The following PDE7B variants were observed in gnomAD, a reference collection of about 807,000 sequenced individuals.
PDE7B encodes the protein phosphodiesterase 7B.
Under a neutral mutation model 56.2 loss-of-function variants are expected in PDE7B, and 29 were observed. That is an observed-to-expected ratio of 0.52 (90% CI 0.38 to 0.70). PDE7B has a LOEUF of 0.70. PDE7B is among the 30% of genes least tolerant of loss of function. The pLI, the probability that PDE7B is intolerant of heterozygous loss-of-function variation, is 0.00. For synonymous variants in PDE7B, 197 were observed against 196.9 expected (o/e 1.00, Z 0.00); for missense variants, 490 against 565.0 (o/e 0.87, Z 1.35).
intron 3 of PDE7B, among the ~76,000 whole-genome samples, chr6:136,135,569 TTC>T (rs1263230146): frequency 6.6e-6 from 1 of 152,084 alleles, no homozygotes; most frequent in Non-Finnish European, 1.5e-5. Flanking sequence ...TGTCATCAGT[TTC>T]TACCCATCAT....
At chr6:135,890,038 C>A (rs1775783585) in intron 1 of PDE7B, among the ~76,000 whole-genome samples, 1 of 152,184 alleles carries the variant, frequency 6.6e-6, no homozygotes. Context: ...CAGGCATGAG[C>A]CACCACACCC....
chr6:136,069,182 C>T (rs1266850277), intron 2 of PDE7B, among the ~76,000 whole-genome samples: 1 of 152,156 alleles, frequency 6.6e-6, no homozygotes, highest in Non-Finnish European at 1.5e-5. Context: ...TTAGGGTTTA[C>T]ACTGCCCATA....
At chr6:135,892,026 A>G (rs2128190279) in intron 1 of PDE7B, among the ~76,000 whole-genome samples, 1 of 152,300 alleles carries the variant, frequency 6.6e-6, no homozygotes, top group East Asian at 1.9e-4. Context: ...AATTATATCC[A>G]TATGGATTTG....
chr6:135,912,295 A>T (rs1011773214), intron 1 of PDE7B, among the ~76,000 whole-genome samples: 1 of 152,234 alleles, frequency 6.6e-6, no homozygotes, highest in Non-Finnish European at 1.5e-5. Context: ...AAAATGAAAA[A>T]TACAACAATA....
chr6:135,976,198 T>A (rs927680566), intron 2 of PDE7B, among the ~76,000 whole-genome samples: 1 of 152,180 alleles, frequency 6.6e-6, no homozygotes, highest in African/African-American at 2.4e-5. Context: ...AGAAAAATTC[T>A]TATCAAATGT....
chr6:136,108,960 T>C, intron 3 of PDE7B, 146 bp downstream of exon 3: 1 of 642,350 alleles, frequency 1.6e-6, no homozygotes, highest in Admixed American at 2.4e-5. Context: ...CTTAACCCTT[T>C]GTCTTTGAGT....
intron 1 of PDE7B, among the ~76,000 whole-genome samples, chr6:135,924,699 A>G (rs1774153692): frequency 7.2e-6 from 1 of 138,060 alleles, no homozygotes; most frequent in African/African-American, 2.8e-5. Flanking sequence ...GAGTGGCAGA[A>G]TCTTATGCAC....
chr6:135,883,536 C>T (rs1320739669), intron 1 of PDE7B, among the ~76,000 whole-genome samples: 1 of 152,146 alleles, frequency 6.6e-6, no homozygotes, highest in African/African-American at 2.4e-5. Flanking sequence ...AAATATGAGT[C>T]TGCAATAGAC....
chr6:136,021,433 T>C (rs1173806947), intron 2 of PDE7B, among the ~76,000 whole-genome samples: 2 of 151,996 alleles, frequency 1.3e-5, no homozygotes, highest in African/African-American at 4.8e-5. Flanking sequence ...TCACCTGAGG[T>C]CGGGAGTTCG....
At chr6:136,021,470 C>A (rs1776069709) in intron 2 of PDE7B, among the ~76,000 whole-genome samples, 1 of 151,970 alleles carries the variant, frequency 6.6e-6, no homozygotes, top group Admixed American at 6.6e-5. Flanking sequence ...CATGATGAGA[C>A]CCCATCTCTA....
intron 8 of PDE7B, among the ~76,000 whole-genome samples, chr6:136,173,045 G>T (rs1218237820): frequency 6.6e-6 from 1 of 152,004 alleles, no homozygotes; most frequent in East Asian, 1.9e-4. Context: ...TCATGGGTAG[G>T]AAGAATCAAT....
intron 2 of PDE7B, among the ~76,000 whole-genome samples, chr6:136,073,117 G>A (rs903207181): frequency 3.9e-5 from 6 of 152,206 alleles, no homozygotes; most frequent in South Asian, 2.1e-4. Context: ...AGATGGTGGC[G>A]TCGGCAGGGA....
At chr6:135,870,511 T>C (rs1045375765) in intron 1 of PDE7B, among the ~76,000 whole-genome samples, 2 of 149,998 alleles carry the variant, frequency 1.3e-5, no homozygotes, top group Non-Finnish European at 3.0e-5. Flanking sequence ...TTAGGTGATA[T>C]GTACTTGTGA....
At chr6:136,134,856 G>A (rs1051217952) in intron 3 of PDE7B, among the ~76,000 whole-genome samples, 1 of 151,846 alleles carries the variant, frequency 6.6e-6, no homozygotes, top group African/African-American at 2.4e-5. Context: ...ATGCAGCAGG[G>A]GTGCAGACAG....
chr6:136,005,678 T>G (rs1215644647), intron 2 of PDE7B, among the ~76,000 whole-genome samples: 3 of 152,126 alleles, frequency 2.0e-5, no homozygotes, highest in African/African-American at 7.2e-5. Flanking sequence ...CCAGTTAGAA[T>G]GGCAATCATT....
At chr6:136,156,202 T>TGTGTGTGTGG in intron 8 of PDE7B, 1 of 324,622 alleles carries the variant, frequency 3.1e-6, no homozygotes. Context: ...TGTGTGTGTG[T>TGTGTGTGTGG]TTTCAGAAAC....
intron 2 of PDE7B, among the ~76,000 whole-genome samples, chr6:136,062,770 A>G (rs117551918): frequency 3.0e-3 from 463 of 152,302 alleles, no homozygotes; most frequent in Admixed American, 5.2e-3. Flanking sequence ...CTAAAAGACC[A>G]AATTGCTCTC....
At chr6:136,080,823 A>G (rs1777194718) in intron 2 of PDE7B, among the ~76,000 whole-genome samples, 1 of 152,232 alleles carries the variant, frequency 6.6e-6, no homozygotes, top group Admixed American at 6.5e-5. Flanking sequence ...GCTCTAAGGA[A>G]AAAGAGAAGC....
chr6:136,006,522 T>C (rs1437685859), intron 2 of PDE7B, among the ~76,000 whole-genome samples: 6 of 152,178 alleles, frequency 3.9e-5, no homozygotes, highest in Non-Finnish European at 8.8e-5. Flanking sequence ...ATTTCAATGA[T>C]ATTGATTCTT....
Sources: allele counts gnomAD v4.1 joint callset (sites outside exome capture counted in the v4.1 genomes callset), GRCh38; gene constraint gnomAD v4.1.1; transcripts MANE v1.5; gene names NCBI Gene and HGNC (gene_info 2026-07-23, HGNC 2026-07-21).